PTPN3: variants seen among roughly 807,000 people sequenced by gnomAD.
PTPN3 encodes protein tyrosine phosphatase non-receptor type 3.
PTPN3 carries 96 observed loss-of-function variants against 132.7 expected under a neutral mutation model. The observed-to-expected ratio is 0.72, with a 90% CI of 0.61 to 0.86. The LOEUF is 0.86. Among genes scored for constraint, PTPN3 ranks in the 40% least tolerant of loss-of-function variants. PTPN3 has a pLI of 0.00. For synonymous variants in PTPN3, 398 were observed against 429.0 expected, an observed-to-expected ratio of 0.93 and a Z score of 0.89; for missense variants, 1,125 against 1,159.6, an observed-to-expected ratio of 0.97 and a Z score of 0.43.
At chr9:109,455,624 G>A (rs1036068092) in intron 4 of PTPN3, among the ~76,000 whole-genome samples, 17 of 152,188 alleles carry the variant, frequency 1.1e-4, no homozygotes, top group Non-Finnish European at 2.4e-4. Flanking sequence ...GCACATCAGG[G>A]GAGAACAATG....
chr9:109,499,460 A>G (rs1847822245), upstream of PTPN3, among the ~76,000 whole-genome samples: 1 of 152,206 alleles, frequency 6.6e-6, no homozygotes, highest in Admixed American at 6.5e-5. Context: ...GAGGTTGGTC[A>G]CTTTGGCTTT....
intron 19 of PTPN3, among the ~76,000 whole-genome samples, chr9:109,404,158 G>C (rs918206156): frequency 6.6e-6 from 1 of 152,144 alleles, no homozygotes; most frequent in African/African-American, 2.4e-5. Context: ...AATGTTACTA[G>C]AATAAGAGGG....
At chr9:109,477,072 G>A (rs935402656) in intron 1 of PTPN3, among the ~76,000 whole-genome samples, 2 of 152,086 alleles carry the variant, frequency 1.3e-5, no homozygotes, top group African/African-American at 4.8e-5. Context: ...CTTCAAACAA[G>A]GTGATGATCC....
At chr9:109,521,942 T>C in the PTPN3 span, among the ~76,000 whole-genome samples, 132,060 of 152,156 alleles carry the variant, frequency 0.87, 57,394 homozygotes, top group South Asian at 0.94. Flanking sequence ...ATGAGGAAAC[T>C]GAGGCTTAGA....
At chr9:109,418,857 C>T (rs1446587834) in intron 14 of PTPN3, among the ~76,000 whole-genome samples, 1 of 152,206 alleles carries the variant, frequency 6.6e-6, no homozygotes, top group East Asian at 1.9e-4. Flanking sequence ...GGACTGCAAA[C>T]CACCACAGGA....
In PTPN3 at chr9:109,377,754, T is replaced by C. The variant is rs1838698107; in HGVS notation, c.*1802A>G. 1 of 152,222 alleles carries C rather than the reference T, an allele frequency of 6.6e-6. No individual in the cohort carries two copies. Among genetic ancestry groups the C allele is most frequent in the Non-Finnish European group, 1.5e-5 (1 of 68,048 alleles). 9.4% of individuals were successfully genotyped at this position (152,222 alleles called of 1,614,324 possible). ...AAAAGTCACATGAATAGCGTGATCT[T>C]ATTCAATCCTCATGTTCCAACTAAA... On this transcript the variant is annotated 3_prime_UTR_variant, in exon 26 of 26. Coordinates refer to ENST00000374541, the MANE Select transcript of PTPN3 (RefSeq NM_002829.4).
chr9:109,501,798 A>G (rs1253256588), upstream of PTPN3, among the ~76,000 whole-genome samples: 1 of 152,200 alleles, frequency 6.6e-6, no homozygotes, highest in Non-Finnish European at 1.5e-5. Flanking sequence ...TTCACTTTGG[A>G]GGCAGGATCA....
the PTPN3 span, among the ~76,000 whole-genome samples, chr9:109,524,721 A>G: frequency 6.6e-6 from 1 of 152,178 alleles, no homozygotes; most frequent in African/African-American, 2.4e-5. Context: ...TGTGATAGCT[A>G]TATAGTTTTT....
chr9:109,529,182 C>T, the PTPN3 span, among the ~76,000 whole-genome samples: 1 of 152,216 alleles, frequency 6.6e-6, no homozygotes, highest in Admixed American at 6.5e-5. Flanking sequence ...CTCTCTGTCT[C>T]TCATGACACA....
At chr9:109,510,500 T>C in the PTPN3 span, among the ~76,000 whole-genome samples, 9 of 147,608 alleles carry the variant, frequency 6.1e-5, no homozygotes, top group Non-Finnish European at 1.2e-4. Context: ...AGAGGTTGCA[T>C]TGAGCCGAGA....
At chr9:109,528,517 C>T in the PTPN3 span, among the ~76,000 whole-genome samples, 2 of 152,134 alleles carry the variant, frequency 1.3e-5, no homozygotes, top group Admixed American at 1.3e-4. Flanking sequence ...GGTTCAAAAA[C>T]AGGCAAAACA....
chr9:109,429,634 G>A (rs890273776), intron 10 of PTPN3, among the ~76,000 whole-genome samples: 4 of 152,182 alleles, frequency 2.6e-5, no homozygotes, highest in African/African-American at 9.6e-5. Context: ...TGCAGGATGC[G>A]AAACCCACAT....
At chr9:109,534,401 G>C in the PTPN3 span, 1 of 1,441,940 alleles carries the variant, frequency 6.9e-7, no homozygotes, top group Non-Finnish European at 9.1e-7. Context: ...ATGGTAGCTA[G>C]GCCAGCGGTG....
At chr9:109,529,175 T>C in the PTPN3 span, among the ~76,000 whole-genome samples, 1 of 152,232 alleles carries the variant, frequency 6.6e-6, no homozygotes, top group Non-Finnish European at 1.5e-5. Context: ...GATGCTGCTC[T>C]CTGTCTCTCA....
At chr9:109,505,591 T>C in the PTPN3 span, among the ~76,000 whole-genome samples, 5 of 152,210 alleles carry the variant, frequency 3.3e-5, no homozygotes, top group East Asian at 9.7e-4. Context: ...TAAGAATCTT[T>C]TGTACACCAA....
chr9:109,462,688 T>G (rs906992160), intron 2 of PTPN3, among the ~76,000 whole-genome samples: 28 of 151,938 alleles, frequency 1.8e-4, no homozygotes, highest in Non-Finnish European at 3.8e-4. Context: ...AGACCTCGTT[T>G]CTAGTGCTGG....
At chr9:109,528,569 A>T in the PTPN3 span, among the ~76,000 whole-genome samples, 1 of 152,224 alleles carries the variant, frequency 6.6e-6, no homozygotes. Flanking sequence ...TATCTTTGGC[A>T]GTTTTTAATT....
In PTPN3 at chr9:109,408,410, GT is replaced by G. The variant is rs1405889028; in HGVS notation, c.1579-34del. 3.3e-6 allele frequency: 5 copies of G among 1,499,904 alleles called. No homozygotes were observed. The African/African-American group carries it at 5.2e-5, about 16-fold the overall frequency. 92.9% of individuals were successfully genotyped at this position (1,499,904 alleles called of 1,614,324 possible). On this transcript the variant is annotated intron_variant, in intron 16 of 25. Coordinates refer to ENST00000374541, the MANE Select transcript of PTPN3 (RefSeq NM_002829.4). ...CATTTTAAAATAAAAACAAAACAAAGTTTTTTAAGTTAAACAAACAAACAAA... is the reference window on the plus strand; with the variant it reads ...CATTTTAAAATAAAAACAAAACAAAGTTTTTAAGTTAAACAAACAAACAAA...
the PTPN3 span, among the ~76,000 whole-genome samples, chr9:109,536,946 C>A: frequency 6.6e-6 from 1 of 152,096 alleles, no homozygotes; most frequent in African/African-American, 2.4e-5. Flanking sequence ...CCCCCACCCC[C>A]CAATATGAAG....
Sources: gnomAD v4.1 joint callset for allele counts (sites outside exome capture counted in the v4.1 genomes callset) on GRCh38, gnomAD v4.1.1 for gene constraint, MANE v1.5 for transcripts, NCBI Gene and HGNC (gene_info 2026-07-23, HGNC 2026-07-21) for gene names.